The following BTBD9 variants were observed in gnomAD, a reference collection of about 807,000 sequenced individuals.
BTBD9 encodes BTB/POZ domain-containing protein 9.
In BTBD9, 49 loss-of-function variants were observed where a neutral mutation model predicts 64.3. That is an observed-to-expected ratio of 0.76 (90% CI 0.61 to 0.97). The LOEUF is 0.97. Ranked by LOEUF, BTBD9 falls within the 50% of genes least tolerant of loss-of-function variation. BTBD9 has a pLI of 0.00. For missense variants in BTBD9, 598 were observed against 762.1 expected (o/e 0.78, Z 2.53); for synonymous variants, 260 against 274.7 (o/e 0.95, Z 0.53).
chr6:38,607,780 A>AG (rs397732623), intron 1 of BTBD9, among the ~76,000 whole-genome samples: 2 of 151,518 alleles, frequency 1.3e-5, no homozygotes, highest in African/African-American at 4.9e-5. Context: ...AAAAAAAAAA[A>AG]GGCTCAATTT....
chr6:38,438,244 G>A (rs62397053), intron 6 of BTBD9, among the ~76,000 whole-genome samples: 18,028 of 56,144 alleles, frequency 0.32, 2,295 homozygotes, highest in East Asian at 0.49. Flanking sequence ...GGGAGGGAGG[G>A]AGGGAGGAAG....
At chr6:38,326,967 C>G (rs943246015) in intron 7 of BTBD9, among the ~76,000 whole-genome samples, 1 of 152,160 alleles carries the variant, frequency 6.6e-6, no homozygotes, top group African/African-American at 2.4e-5. Context: ...GAGTCCCTCA[C>G]TTTTACATTC....
intron 7 of BTBD9, among the ~76,000 whole-genome samples, chr6:38,312,309 A>G (rs1762869274): frequency 6.6e-6 from 1 of 152,136 alleles, no homozygotes; most frequent in African/African-American, 2.4e-5. Flanking sequence ...CTGGTTATTA[A>G]TCCCTTGTCA....
chr6:38,565,456 C>T (rs1188409859), intron 6 of BTBD9, among the ~76,000 whole-genome samples: 1 of 151,604 alleles, frequency 6.6e-6, no homozygotes, highest in African/African-American at 2.4e-5. Flanking sequence ...CATGAGATGA[C>T]CTCTTGGGAA....
intron 1 of BTBD9, among the ~76,000 whole-genome samples, chr6:38,604,428 C>A (rs945013498): frequency 2.0e-5 from 3 of 152,186 alleles, no homozygotes; most frequent in African/African-American, 7.2e-5. Flanking sequence ...AATGAACAAA[C>A]TAGTTTCTGA....
chr6:38,534,475 C>CAAAAAAAA (rs57383061), intron 6 of BTBD9, among the ~76,000 whole-genome samples: 1 of 94,946 alleles, frequency 1.1e-5, no homozygotes. Context: ...TCAAACTGTT[C>CAAAAAAAA]AAAAAAAAAA....
chr6:38,304,159 AC>A lies in BTBD9; in HGVS notation c.1265-15699del, dbSNP rs1358961347. Among the ~76,000 whole-genome samples, 14 of 151,874 alleles carry A rather than the reference AC, an allele frequency of 9.2e-5. No homozygotes were observed. In the East Asian group the frequency reaches 2.7e-3, roughly 29 times the overall value. On this transcript the variant is annotated intron_variant, in intron 7 of 10. Transcript: ENST00000481247. ...GGATACGTGTATATCAGTGAAATCT[AC>A]CCCAAGTCCTAAATTTCCTTTCAAG...
At chr6:38,465,751 ATATATGTATG>A (rs1470419488) in intron 6 of BTBD9, among the ~76,000 whole-genome samples, 2 of 41,518 alleles carry the variant, frequency 4.8e-5, no homozygotes, top group African/African-American at 1.8e-4. Context: ...ATATATATAT[ATATATGTATG>A]TATGTATGTA....
At chr6:38,608,302 T>A (rs934664133) in intron 1 of BTBD9, among the ~76,000 whole-genome samples, 1 of 152,130 alleles carries the variant, frequency 6.6e-6, no homozygotes, top group Non-Finnish European at 1.5e-5. Flanking sequence ...AACTGCATGA[T>A]CTGTATTCTG....
chr6:38,605,914 T>C (rs1174821293), intron 1 of BTBD9, among the ~76,000 whole-genome samples: 2 of 152,198 alleles, frequency 1.3e-5, no homozygotes, highest in East Asian at 3.8e-4. Context: ...GATTAACATT[T>C]GAGTCAGTGG....
chr6:38,375,006 T>C (rs144581918), intron 6 of BTBD9, among the ~76,000 whole-genome samples: 124 of 152,354 alleles, frequency 8.1e-4, no homozygotes, highest in African/African-American at 2.7e-3. Context: ...CATATGTTTC[T>C]GTCTTTAAGG....
intron 9 of BTBD9, among the ~76,000 whole-genome samples, chr6:38,196,366 T>C (rs1220342845): frequency 6.6e-6 from 1 of 152,220 alleles, no homozygotes; most frequent in Non-Finnish European, 1.5e-5. Context: ...AGTATTGGCA[T>C]ATATTAAATA....
chr6:38,374,652 ACATT>A (rs758352703), intron 6 of BTBD9, among the ~76,000 whole-genome samples: 5 of 152,084 alleles, frequency 3.3e-5, no homozygotes, highest in Non-Finnish European at 7.4e-5. Flanking sequence ...AGTTCTGCAT[ACATT>A]CAGACATTAC....
At chr6:38,584,784 T>A (rs1213098979) in intron 4 of BTBD9, among the ~76,000 whole-genome samples, 2 of 152,132 alleles carry the variant, frequency 1.3e-5, no homozygotes, top group East Asian at 3.9e-4. Context: ...TACAAGTGAC[T>A]TTCTTGACAA....
At chr6:38,298,068 G>C (rs1162435953) in intron 7 of BTBD9, among the ~76,000 whole-genome samples, 1 of 151,412 alleles carries the variant, frequency 6.6e-6, no homozygotes, top group Admixed American at 6.6e-5. Flanking sequence ...TGTTAGCCAG[G>C]ATGGTCTCGA....
chr6:38,455,419 C>T (rs1162642665), intron 6 of BTBD9, among the ~76,000 whole-genome samples: 1 of 152,214 alleles, frequency 6.6e-6, no homozygotes, highest in Non-Finnish European at 1.5e-5. Flanking sequence ...ATCTTCCTAA[C>T]TCAGCTTCCG....
chr6:38,237,676 G>A (rs1763824590), intron 9 of BTBD9, among the ~76,000 whole-genome samples: 1 of 152,132 alleles, frequency 6.6e-6, no homozygotes, highest in Admixed American at 6.5e-5. Context: ...AAGAAGAAAA[G>A]ATAATCTGAT....
intron 6 of BTBD9, among the ~76,000 whole-genome samples, chr6:38,359,562 T>C (rs1368984735): frequency 1.3e-5 from 2 of 152,178 alleles, no homozygotes; most frequent in Non-Finnish European, 2.9e-5. Context: ...TCAATAACTT[T>C]AAAATGCTGA....
At chr6:38,567,888 T>C (rs1322577227) in intron 6 of BTBD9, among the ~76,000 whole-genome samples, 1 of 151,666 alleles carries the variant, frequency 6.6e-6, no homozygotes, top group Admixed American at 6.6e-5. Flanking sequence ...CTTCTAACAC[T>C]GGCAAAAAAA....
Sources: gnomAD v4.1 joint callset for allele counts (sites outside exome capture counted in the v4.1 genomes callset) on GRCh38, gnomAD v4.1.1 for gene constraint, MANE v1.5 for transcripts, NCBI Gene and HGNC (gene_info 2026-07-23, HGNC 2026-07-21) for gene names.